The following CELF2 variants were observed in gnomAD, a reference collection of about 807,000 sequenced individuals.
The protein encoded by CELF2 is CUGBP Elav-like family member 2.
A neutral mutation model predicts 62.6 loss-of-function variants in CELF2; 8 were observed. That is an observed-to-expected ratio of 0.13 (90% CI 0.07 to 0.23). CELF2 has a LOEUF of 0.23. Ranked by LOEUF, CELF2 falls within the 10% of genes least tolerant of loss-of-function variation. The pLI is 1.00. For synonymous variants in CELF2, 258 were observed against 250.0 expected (o/e 1.03, Z -0.30); for missense variants, 333 against 671.0 (o/e 0.50, Z 5.56).
In CELF2 at chr10:11,204,497, G is replaced by T. The variant is rs558692953; in HGVS notation, c.272-12928G>T. 8.5e-5 allele frequency among the ~76,000 whole-genome samples: 13 copies of T among 152,336 alleles called. No individual in the cohort carries two copies. The East Asian group carries it at 2.3e-3, about 27-fold the overall frequency. On this transcript the variant is annotated intron_variant, in intron 2 of 12. Coordinates refer to ENST00000633077, the MANE Select transcript of CELF2 (RefSeq NM_001326342.2). ...ATGCTCCGGTGAGAGTCAACCCCCTGAGTATACAGTAGGAACCTCCGGTGC... is the reference window on the plus strand; with the variant it reads ...ATGCTCCGGTGAGAGTCAACCCCCTTAGTATACAGTAGGAACCTCCGGTGC...
chr10:11,079,373 A>G (rs2141311233), intron 1 of CELF2, among the ~76,000 whole-genome samples: 1 of 152,314 alleles, frequency 6.6e-6, no homozygotes, highest in South Asian at 2.1e-4. Flanking sequence ...ACGTGCGGAA[A>G]ATGCAGATGG....
At chr10:10,603,124 T>C in the CELF2 span, among the ~76,000 whole-genome samples, 1 of 152,036 alleles carries the variant, frequency 6.6e-6, no homozygotes, top group South Asian at 2.1e-4. Flanking sequence ...TTTCATTTTC[T>C]ATTATTTCTA....
In CELF2 at chr10:11,262,940, CTTTTTTTTTTTT is replaced by C. The variant is rs553831640; in HGVS notation, c.539-3642_539-3631del. 1.1e-3 allele frequency among the ~76,000 whole-genome samples: 60 copies of C among 52,768 alleles called. No homozygotes were observed. The South Asian group carries it at 0.024, about 21-fold the overall frequency. 34.6% of individuals were successfully genotyped at this position (52,768 alleles called of 152,430 possible). A position where few individuals can be genotyped will look rare whatever the true frequency, so the allele number is the denominator to read the frequency against. On this transcript the variant is annotated intron_variant, in intron 5 of 12. Transcript: ENST00000633077. Reference sequence around the variant, plus strand: ...GTTCATGCTTTTAAAAGTGGCTTTACTTTTTTTTTTTTTTTTTTTTTTTTTTTGGTGCAGAGC... The same window carrying C: ...GTTCATGCTTTTAAAAGTGGCTTTACTTTTTTTTTTTTTTTGGTGCAGAGC...
chr10:10,749,900 G>A, the CELF2 span, among the ~76,000 whole-genome samples: 1 of 152,316 alleles, frequency 6.6e-6, no homozygotes, highest in African/African-American at 2.4e-5. Context: ...AAAGAGAAAA[G>A]GGCATCTTGG....
chr10:10,817,224 G>A (rs7911696), intron 1 of CELF2, among the ~76,000 whole-genome samples: 107,199 of 152,102 alleles, frequency 0.7, 37,949 homozygotes, highest in East Asian at 0.79. Context: ...GGTACATAGT[G>A]GGTGTACATA....
intron 1 of CELF2, among the ~76,000 whole-genome samples, chr10:11,033,174 G>C (rs1442871456): frequency 6.6e-6 from 1 of 151,972 alleles, no homozygotes; most frequent in African/African-American, 2.4e-5. Flanking sequence ...TCACTGTCCA[G>C]TGGTGAGGTG....
At chr10:11,320,707 AAGGG>A (rs1394541693) in intron 10 of CELF2, 27 of 794,842 alleles carry the variant, frequency 3.4e-5, no homozygotes, top group Non-Finnish European at 5.9e-6. Context: ...CACACGGCCT[AAGGG>A]AAAAAAGTTT....
intron 2 of CELF2, among the ~76,000 whole-genome samples, chr10:10,976,021 C>A (rs1235438675): frequency 6.6e-6 from 1 of 152,190 alleles, no homozygotes; most frequent in East Asian, 1.9e-4. Flanking sequence ...CAGGTTGTTG[C>A]CCTGGAAAGG....
At chr10:11,071,065 T>C (rs1383106309) in intron 1 of CELF2, among the ~76,000 whole-genome samples, 1 of 152,226 alleles carries the variant, frequency 6.6e-6, no homozygotes, top group African/African-American at 2.4e-5. Context: ...GCCAGATAAA[T>C]ACAGCAGTGA....
chr10:10,546,157 G>A, the CELF2 span, among the ~76,000 whole-genome samples: 9 of 152,212 alleles, frequency 5.9e-5, no homozygotes, highest in African/African-American at 2.2e-4. Flanking sequence ...TAGAAGTGCT[G>A]AGGTTACATA....
the CELF2 span, among the ~76,000 whole-genome samples, chr10:10,619,106 G>C: frequency 1.1e-4 from 16 of 152,238 alleles, no homozygotes; most frequent in Admixed American, 5.2e-4. Context: ...CTGGCCGCCA[G>C]ATAGCCTTTT....
chr10:10,755,490 G>C, the CELF2 span, among the ~76,000 whole-genome samples: 5 of 152,152 alleles, frequency 3.3e-5, no homozygotes, highest in Non-Finnish European at 5.9e-5. Context: ...ACATTTTCGC[G>C]CGCAGTCTCT....
intron 1 of CELF2, among the ~76,000 whole-genome samples, chr10:11,130,046 G>T (rs1209804235): frequency 6.6e-6 from 1 of 152,202 alleles, no homozygotes; most frequent in Admixed American, 6.5e-5. Context: ...TGCTTTAAAT[G>T]TGTCCCAGAG....
chr10:10,933,242 G>A (rs1481813182), intron 2 of CELF2, among the ~76,000 whole-genome samples: 4 of 152,124 alleles, frequency 2.6e-5, no homozygotes, highest in Non-Finnish European at 4.4e-5. Flanking sequence ...GGTTGAAGCT[G>A]CAGTGAGCCA....
chr10:10,476,284 G>T, the CELF2 span, among the ~76,000 whole-genome samples: 9 of 152,134 alleles, frequency 5.9e-5, no homozygotes, highest in African/African-American at 2.2e-4. Context: ...AGTAGGTTCA[G>T]TCACACGGTG....
chr10:10,924,198 C>T (rs1408310068), intron 2 of CELF2: 2 of 136,192 alleles, frequency 1.5e-5, no homozygotes, highest in Non-Finnish European at 3.1e-5. Context: ...AGGAGAATGG[C>T]GTGAACCCGG....
At chr10:10,927,913 A>G (rs958269571) in intron 2 of CELF2, among the ~76,000 whole-genome samples, 1 of 152,160 alleles carries the variant, frequency 6.6e-6, no homozygotes, top group African/African-American at 2.4e-5. Flanking sequence ...TTTTCATAAA[A>G]TCATGTAAGA....
Position 11,207,818 on chromosome 10 carries a change from G to A in CELF2, c.272-9607G>A, listed in dbSNP as rs1179417980. 6.6e-6 allele frequency among the ~76,000 whole-genome samples: 1 copy of A among 152,212 alleles called. No individual in the cohort carries two copies. The highest frequency in any genetic ancestry group is 1.9e-4 in the East Asian group (1 of 5,200). ...CTAATTGGATACGGTTTCCTTAAAA[G>A]TAGATTTCTACAGGATGAGGCGTTC... On this transcript the variant is annotated intron_variant, in intron 2 of 12. Coordinates refer to ENST00000633077, the MANE Select transcript of CELF2 (RefSeq NM_001326342.2). This position sits in a 1 kb window ranked among gnomAD's most constrained non-coding sequence, Gnocchi z 4.1.
rs548723184 is a variant in CELF2, at chr10:10,936,477, A to G, written c.89+16478A>G. 1.3e-5 allele frequency: 2 copies of G among 152,286 alleles called. No homozygotes were observed. Among genetic ancestry groups the G allele is most frequent in the South Asian group, 2.1e-4 (1 of 4,820 alleles). 9.4% of individuals were successfully genotyped at this position (152,286 alleles called of 1,614,324 possible). ...GAATAGGCTGAAGATCAGACAGTGGAAACTAAGTCCTCATGACCACACTGT... is the reference window on the plus strand; with the variant it reads ...GAATAGGCTGAAGATCAGACAGTGGGAACTAAGTCCTCATGACCACACTGT... On this transcript the variant is annotated intron_variant, in intron 2 of 13. Coordinates refer to the CELF2 transcript ENST00000636488. This position sits in a 1 kb window ranked among gnomAD's most constrained non-coding sequence, Gnocchi z 4.0.
Sources: gnomAD v4.1 joint callset for allele counts (sites outside exome capture counted in the v4.1 genomes callset) on GRCh38, gnomAD v4.1.1 for gene constraint, Gnocchi (gnomAD v3.1) non-coding constraint, MANE v1.5 for transcripts, NCBI Gene and HGNC (gene_info 2026-07-23, HGNC 2026-07-21) for gene names.